The following TOP6BL variants were observed in gnomAD, a reference collection of about 807,000 sequenced individuals.
TOP6BL encodes the protein TOP6B like initiator of meiotic double strand breaks, also known as type 2 DNA topoisomerase 6 subunit B-like.
the TOP6BL span, chr11:66,828,773 G>A: frequency 6.2e-6 from 1 of 162,488 alleles, no homozygotes; most frequent in Non-Finnish European, 1.3e-5. Context: ...GTGGGCTTCA[G>A]TTAGACAACT....
the TOP6BL span, chr11:66,822,546 A>C: frequency 6.8e-7 from 1 of 1,478,866 alleles, no homozygotes; most frequent in East Asian, 2.5e-5. Context: ...TCTCCCCCTT[A>C]CTTGTTATGT....
At chr11:66,768,406 G>A in the TOP6BL span, among the ~76,000 whole-genome samples, 140 of 152,108 alleles carry the variant, frequency 9.2e-4, 1 homozygote, top group African/African-American at 3.3e-3. Context: ...ATTCATTCTT[G>A]AGGAGCAGTC....
the TOP6BL span, chr11:66,796,330 AT>A: frequency 6.2e-7 from 1 of 1,611,132 alleles, no homozygotes; most frequent in Non-Finnish European, 8.5e-7. Flanking sequence ...GTTATAAAGC[AT>A]TTTTTACGTA....
the TOP6BL span, among the ~76,000 whole-genome samples, chr11:66,789,353 TCTC>T: frequency 6.6e-6 from 1 of 152,228 alleles, no homozygotes; most frequent in African/African-American, 2.4e-5. Flanking sequence ...AGGTCTCTCA[TCTC>T]CTATTTTCCT....
At chr11:66,824,714 G>A in the TOP6BL span, among the ~76,000 whole-genome samples, 177 of 149,474 alleles carry the variant, frequency 1.2e-3, 1 homozygote, top group African/African-American at 4.0e-3. Flanking sequence ...TTTTGTCCTT[G>A]CGATAGTTTG....
At chr11:66,791,828 T>TC in the TOP6BL span, among the ~76,000 whole-genome samples, 1 of 151,674 alleles carries the variant, frequency 6.6e-6, no homozygotes, top group East Asian at 1.9e-4. Context: ...ATTTTTTTTT[T>TC]TTTTTTTGGG....
chr11:66,746,310 C>T, the TOP6BL span, among the ~76,000 whole-genome samples: 7 of 151,812 alleles, frequency 4.6e-5, no homozygotes, highest in South Asian at 8.4e-4. Context: ...GGGAGTTGGC[C>T]GGGCGCGGTG....
At chr11:66,791,233 G>T in the TOP6BL span, among the ~76,000 whole-genome samples, 2 of 152,298 alleles carry the variant, frequency 1.3e-5, no homozygotes, top group Middle Eastern at 3.4e-3. Context: ...GGAAGACTGA[G>T]GAAAGTTTCA....
At chr11:66,841,748 G>A in the TOP6BL span, among the ~76,000 whole-genome samples, 1 of 152,190 alleles carries the variant, frequency 6.6e-6, no homozygotes, top group Non-Finnish European at 1.5e-5. Flanking sequence ...GCTGCAGTGA[G>A]CTACAATCAC....
chr11:66,801,162 G>T, the TOP6BL span: 1 of 1,535,024 alleles, frequency 6.5e-7, no homozygotes, highest in East Asian at 2.3e-5. Flanking sequence ...GAGTACGAAT[G>T]TGGGTAGAAA....
the TOP6BL span, chr11:66,842,723 GA>G: frequency 1.0e-6 from 1 of 966,966 alleles, no homozygotes; most frequent in Non-Finnish European, 1.5e-6. Flanking sequence ...GTGTGGATGG[GA>G]CCTGCTGACA....
chr11:66,754,453 G>A, the TOP6BL span, among the ~76,000 whole-genome samples: 1 of 151,750 alleles, frequency 6.6e-6, no homozygotes, highest in African/African-American at 2.4e-5. Context: ...CCCTTGTATT[G>A]CTTTTCTTAG....
the TOP6BL span, chr11:66,756,285 A>C: frequency 9.0e-7 from 1 of 1,112,458 alleles, no homozygotes; most frequent in Non-Finnish European, 1.1e-6. Flanking sequence ...AGTGTGGACT[A>C]TGAAACATAC....
the TOP6BL span, among the ~76,000 whole-genome samples, chr11:66,816,943 C>T: frequency 6.6e-6 from 1 of 151,992 alleles, no homozygotes; most frequent in Non-Finnish European, 1.5e-5. Flanking sequence ...CACTTGCAGC[C>T]AGGAGTTCAA....
the TOP6BL span, among the ~76,000 whole-genome samples, chr11:66,821,345 T>C: frequency 6.7e-6 from 1 of 150,270 alleles, no homozygotes; most frequent in Non-Finnish European, 1.5e-5. Context: ...TGGAGCGCAG[T>C]GGCACAATCT....
At chr11:66,786,829 C>T in the TOP6BL span, among the ~76,000 whole-genome samples, 19 of 152,086 alleles carry the variant, frequency 1.2e-4, no homozygotes, top group African/African-American at 2.2e-4. Context: ...TGTAGCATAC[C>T]CTTGCTGTCC....
chr11:66,831,396 T>C, the TOP6BL span, among the ~76,000 whole-genome samples: 3 of 152,260 alleles, frequency 2.0e-5, no homozygotes, highest in East Asian at 3.9e-4. Flanking sequence ...AGTAGATTCA[T>C]ATAAAGGAAC....
At chr11:66,762,671 A>G in the TOP6BL span, among the ~76,000 whole-genome samples, 5 of 152,018 alleles carry the variant, frequency 3.3e-5, no homozygotes, top group South Asian at 1.0e-3. Context: ...GGGTTTCACC[A>G]TGTTGGTCAG....
At chr11:66,822,774 TAGG>T in the TOP6BL span, 1 of 760,076 alleles carries the variant, frequency 1.3e-6, no homozygotes, top group South Asian at 1.7e-5. Context: ...GAGGCCAAGG[TAGG>T]AGGATTGCTT....
Sources: allele counts gnomAD v4.1 joint callset (sites outside exome capture counted in the v4.1 genomes callset), GRCh38; gene constraint gnomAD v4.1.1; transcripts MANE v1.5; gene names NCBI Gene and HGNC (gene_info 2026-07-23, HGNC 2026-07-21).